Variants in ZMAT5 observed in about 807,000 individuals in gnomAD.
The protein encoded by ZMAT5 is zinc finger matrin-type protein 5.
A neutral mutation model predicts 28.0 loss-of-function variants in ZMAT5; 23 were observed. The ratio of observed to expected loss-of-function variants is 0.82; its 90% CI spans 0.59 to 1.16. ZMAT5 has a LOEUF of 1.16. Among genes scored for constraint, ZMAT5 ranks in the 50% most tolerant of loss-of-function variants. The pLI, the probability that ZMAT5 is intolerant of heterozygous loss-of-function variation, is 0.00. For synonymous variants in ZMAT5, 76 were observed against 84.1 expected (o/e 0.90, Z 0.52); for missense variants, 173 against 212.7 (o/e 0.81, Z 1.16).
At chr22:29,746,693 A>C (rs1222998605) in intron 2 of ZMAT5, 2 of 152,162 alleles carry the variant, frequency 1.3e-5, no homozygotes, top group African/African-American at 4.8e-5. Context: ...ATGTGAGGAC[A>C]CTGAGAACAC....
chr22:29,749,684 G>T lies in ZMAT5; in HGVS notation c.-27-1113C>A, dbSNP rs61399074. Among the ~76,000 whole-genome samples the T allele has an allele frequency of 7.6e-3, 1,155 of 152,178 alleles. 18 individuals carry two copies. The highest frequency in any genetic ancestry group is 0.023 in the African/African-American group (974 of 41,504). On this transcript the variant is annotated intron_variant, in intron 1 of 5. Transcript: ENST00000344318. The stretch of plus-strand genomic sequence containing the variant: ...TGTATCCCCACCCAAATCTCATCTC[G>T]AATTGTAATCCCCATAATCCCCAGG...
chr22:29,735,806 TCA>T (rs1423799306), intron 5 of ZMAT5, among the ~76,000 whole-genome samples: 4 of 152,232 alleles, frequency 2.6e-5, no homozygotes, highest in African/African-American at 9.7e-5. Context: ...TCATTCAGCC[TCA>T]GTTTCCCCAT....
intron 3 of ZMAT5, among the ~76,000 whole-genome samples, 159 bp downstream of exon 3, chr22:29,742,259 C>G (rs2067969235): frequency 6.6e-6 from 1 of 152,176 alleles, no homozygotes; most frequent in African/African-American, 2.4e-5. Flanking sequence ...CTGAGACACA[C>G]TTGGGAAGGC....
chr22:29,735,798 A>T (rs1181170824), intron 5 of ZMAT5, among the ~76,000 whole-genome samples: 1 of 152,238 alleles, frequency 6.6e-6, no homozygotes, highest in Non-Finnish European at 1.5e-5. Flanking sequence ...GGAGCCAGTC[A>T]TTCAGCCTCA....
rs2067970837 is a variant in ZMAT5, at chr22:29,742,422, C to T, written c.186G>A (p.Leu62=). The T allele has an allele frequency of 6.2e-7, 1 of 1,613,220 alleles. No homozygotes were observed. The highest frequency in any genetic ancestry group is 1.7e-4 in the Middle Eastern group (1 of 6,058). The change falls in exon 3 of 6, where the codon CTG becomes CTA. Residue 62 remains leucine, a synonymous_variant. Transcript: ENST00000344318. ...GAGCTGTGCAGAGGACTTTACCTGT[C>T]AGTAGAAACTTCCTGCAGGGCCGCT... ...QNKRPCRKFL[L]TGQCDFGSNC...
At position 29,765,385 on chromosome 22, in the gene ZMAT5, C is replaced by T. The variant is rs187110676; in HGVS notation, c.-28+1487G>A. On this transcript the variant is annotated intron_variant, in intron 1 of 5. Coordinates refer to ENST00000344318, the MANE Select transcript of ZMAT5 (RefSeq NM_001003692.2). ...AGTGAGCCAAGATTGTGCCACTGCA[C>T]TCCAGCCGCACAGAGTGAGACTCTG... Among the ~76,000 whole-genome samples the T allele has an allele frequency of 1.5e-3, 231 of 152,042 alleles. 1 individual carries two copies. Among genetic ancestry groups the T allele is most frequent in the African/African-American group, 5.5e-3 (226 of 41,446 alleles).
chr22:29,766,196 G>T (rs1328299829), intron 1 of ZMAT5, among the ~76,000 whole-genome samples: 1 of 152,134 alleles, frequency 6.6e-6, no homozygotes, highest in African/African-American at 2.4e-5. Context: ...GGGTTCCAAG[G>T]CCAGACATGA....
chr22:29,743,934 C>A (rs1371697550), intron 2 of ZMAT5, among the ~76,000 whole-genome samples: 1 of 152,188 alleles, frequency 6.6e-6, no homozygotes, highest in East Asian at 1.9e-4. Flanking sequence ...CAAGGAAAGA[C>A]CACAGGCTCC....
intron 2 of ZMAT5, among the ~76,000 whole-genome samples, chr22:29,745,179 C>T (rs995171158): frequency 3.9e-5 from 6 of 152,186 alleles, no homozygotes; most frequent in South Asian, 2.1e-4. Context: ...TGTAGCCAAA[C>T]GACCTGACCC....
intron 1 of ZMAT5, among the ~76,000 whole-genome samples, chr22:29,751,200 T>C (rs1297206913): frequency 2.0e-5 from 3 of 152,140 alleles, no homozygotes; most frequent in African/African-American, 7.2e-5. Context: ...AGGGTGGTTC[T>C]CTGGGAGACT....
intron 1 of ZMAT5, among the ~76,000 whole-genome samples, chr22:29,754,316 A>C (rs1230723899): frequency 6.6e-6 from 1 of 152,188 alleles, no homozygotes; most frequent in Non-Finnish European, 1.5e-5. Flanking sequence ...ACCCACTCCC[A>C]GGGACCAGGT....
At chr22:29,761,870 T>C (rs1479420958) in intron 1 of ZMAT5, among the ~76,000 whole-genome samples, 1 of 152,214 alleles carries the variant, frequency 6.6e-6, no homozygotes, top group African/African-American at 2.4e-5. Context: ...CAGAATTACC[T>C]GGGGTGCTGT....
At chr22:29,747,226 A>G (rs1256297219) in intron 2 of ZMAT5, 1 of 152,224 alleles carries the variant, frequency 6.6e-6, no homozygotes, top group African/African-American at 2.4e-5. Flanking sequence ...CGAACTATGA[A>G]AAGCACCAGC....
At chr22:29,754,574 A>G (rs2068082317) in intron 1 of ZMAT5, among the ~76,000 whole-genome samples, 1 of 152,218 alleles carries the variant, frequency 6.6e-6, no homozygotes, top group Non-Finnish European at 1.5e-5. Context: ...GCAGTAGTAC[A>G]TTAAGGTGCC....
intron 1 of ZMAT5, among the ~76,000 whole-genome samples, chr22:29,760,307 A>G (rs900721339): frequency 4.0e-5 from 6 of 150,492 alleles, no homozygotes; most frequent in African/African-American, 1.5e-4. Flanking sequence ...TGAGAGGCGG[A>G]GCTTGCAGTA....
At chr22:29,748,173 G>C (rs2068025731) in intron 2 of ZMAT5, 1 of 547,870 alleles carries the variant, frequency 1.8e-6, no homozygotes. Context: ...TATTTTAGCT[G>C]TTGGCTCAAA....
At chr22:29,733,342 G>C (rs866735010) in intron 5 of ZMAT5, among the ~76,000 whole-genome samples, 1 of 152,192 alleles carries the variant, frequency 6.6e-6, no homozygotes, top group Non-Finnish European at 1.5e-5. Context: ...TGACCTCCGA[G>C]GGGGAGGTGG....
At position 29,731,064 on chromosome 22, in the gene ZMAT5, C is replaced by T; in HGVS notation, c.*161G>A. ...GAGGGGAGAGCTGCCCGGTGCAGAC[C>T]CAGGACGAGGGCTGCACTTGGTGTG... is the stretch of plus-strand genomic sequence containing the variant. On this transcript the variant is annotated 3_prime_UTR_variant, in exon 6 of 6. Coordinates refer to ENST00000344318, the MANE Select transcript of ZMAT5 (RefSeq NM_001003692.2). 1 of 698,558 alleles carries T rather than the reference C, an allele frequency of 1.4e-6. No individual in the cohort carries two copies. Among genetic ancestry groups the T allele is most frequent in the Non-Finnish European group, 2.2e-6 (1 of 461,362 alleles). The allele number at this position is 698,558 out of a possible 1,614,324, so 43.3% of individuals were successfully genotyped here. A position where few individuals can be genotyped will look rare whatever the true frequency, so the allele number is the denominator to read the frequency against.
chr22:29,734,551 T>C (rs1192961603), intron 5 of ZMAT5, among the ~76,000 whole-genome samples: 6 of 152,174 alleles, frequency 3.9e-5, no homozygotes, highest in Admixed American at 3.9e-4. Context: ...AAACCTGTCC[T>C]GGGCACCCCC....
Sources: allele counts gnomAD v4.1 joint callset (sites outside exome capture counted in the v4.1 genomes callset), GRCh38; gene constraint gnomAD v4.1.1; transcripts MANE v1.5; gene names NCBI Gene and HGNC (gene_info 2026-07-23, HGNC 2026-07-21).